The following MYH2 variants were observed in gnomAD, a reference collection of about 807,000 sequenced individuals.
The protein encoded by MYH2 is myosin-2.
A neutral mutation model predicts 228.1 loss-of-function variants in MYH2; 139 were observed. The ratio of observed to expected loss-of-function variants is 0.61; its 90% confidence interval spans 0.53 to 0.70. The LOEUF (loss-of-function observed/expected upper bound fraction) is 0.70. MYH2 is among the 30% of genes least tolerant of loss of function. The pLI, the probability that MYH2 is intolerant of heterozygous loss-of-function variation, is 0.00. For missense variants in MYH2, 1,809 were observed against 2,357.5 expected (o/e 0.77, Z 4.82); for synonymous variants, 796 against 871.1 (o/e 0.91, Z 1.52).
chr17:10,540,060 T>C lies in MYH2; in HGVS notation c.1015A>G (p.Ile339Val). The change falls in exon 12 of 40, where the codon ATT becomes GTT. Residue 339 changes from isoleucine to valine, a missense_variant. This residue lies in a region of MYH2 where 373 missense variants were observed against 620.4 expected (regional missense o/e 0.60). Coordinates refer to ENST00000245503, the MANE Select transcript of MYH2 (RefSeq NM_017534.6). Reference sequence around the variant, plus strand: ...TCATTAGTAAAGCCCAAAATATCAATAGCACTCTGTCAATATAACCAATAG... The same window carrying C: ...TCATTAGTAAAGCCCAAAATATCAACAGCACTCTGTCAATATAACCAATAG... ...QEELMATDSA[I>V]DILGFTNEEK... 6.2e-7 allele frequency: 1 copy of C among 1,613,974 alleles called. No homozygotes were observed. The highest frequency in any genetic ancestry group is 1.3e-5 in the African/African-American group (1 of 74,996).
Position 10,540,085 on chromosome 17 carries a change from G to C in MYH2, c.1009-19C>G. ...TAGCACTCTGTCAATATAACCAATA[G>C]GATAGCTGTTAGGTTGTGATCCACA... On this transcript the variant is annotated intron_variant, in intron 11 of 39. Transcript: ENST00000245503. The C allele has an allele frequency of 6.2e-7, 1 of 1,613,696 alleles. No homozygotes were observed. The highest frequency in any genetic ancestry group is 1.1e-5 in the South Asian group (1 of 91,064).
chr17:10,530,212 A>T, intron 22 of MYH2, 138 bp from the exon 23 acceptor site: 3 of 1,424,952 alleles, frequency 2.1e-6, no homozygotes, highest in Non-Finnish European at 2.9e-6. Flanking sequence ...TTGTTTCATG[A>T]ACCACCCTAC....
At chr17:10,548,817 A>G (rs2073666454) in intron 2 of MYH2, among the ~76,000 whole-genome samples, 1 of 152,156 alleles carries the variant, frequency 6.6e-6, no homozygotes, top group African/African-American at 2.4e-5. Context: ...ATTCTACCGC[A>G]GTCATTACAT....
At chr17:10,547,393 G>T in intron 4 of MYH2, 82 bp downstream of exon 4, 1 of 1,556,856 alleles carries the variant, frequency 6.4e-7, no homozygotes, top group South Asian at 1.1e-5. Context: ...CACTACCTGT[G>T]ACCTATTTAT....
At chr17:10,547,093 A>C (rs1310862011) in intron 4 of MYH2, among the ~76,000 whole-genome samples, 1 of 152,218 alleles carries the variant, frequency 6.6e-6, no homozygotes, top group Non-Finnish European at 1.5e-5. Context: ...TCTGTCTCAA[A>C]AAAAAATTAA....
rs777247403 is a variant in MYH2, at chr17:10,526,940, T to C, written c.3988A>G (p.Lys1330Glu). 2 of 1,613,974 alleles carry C rather than the reference T, an allele frequency of 1.2e-6. No individual in the cohort carries two copies. Among genetic ancestry groups the C allele is most frequent in the Non-Finnish European group, 8.5e-7 (1 of 1,179,816 alleles). The change falls in exon 29 of 40, where the codon AAA becomes GAA. Residue 1330 changes from lysine (K) to glutamate (E), a missense_variant and splice_region_variant. By Grantham distance (56) the Lys-to-Glu change is moderately conservative. This residue lies in a region of MYH2 where 636 missense variants were observed against 729.9 expected (regional missense o/e 0.87). Transcript: ENST00000245503. ...ATCAGTCTTAGAATCATAATTACTT[T>C]TATCTCCTCTTCAAGTTGCCTCTTT... is the stretch of plus-strand genomic sequence containing the variant. ...ELKRQLEEEI[K>E]AKNALAHALQ... is the part of the protein sequence containing the mutation.
In MYH2 at chr17:10,525,661, G is replaced by C. The variant is rs749696223; in HGVS notation, c.4371+32C>G. ...TACCTGCTGCAAAGACAAAAGAGTA[G>C]AGTAAAGAGCAGAAGATGCTGGAGG... On this transcript the variant is annotated intron_variant, in intron 31 of 39. Transcript: ENST00000245503. This position sits in a 1 kb window ranked among gnomAD's most constrained non-coding sequence, Gnocchi z 4.2. The C allele has an allele frequency of 6.2e-6, 10 of 1,614,070 alleles. No individual in the cohort carries two copies. The highest frequency in any genetic ancestry group is 7.6e-6 in the Non-Finnish European group (9 of 1,180,036).
rs754882670 is a variant in MYH2 at position 10,539,992 on chromosome 17, A to G, written c.1083T>C (p.His361=). 67 of 1,613,932 alleles carry G rather than the reference A, an allele frequency of 4.2e-5. 1 individual carries two copies. The Middle Eastern group carries it at 6.6e-4, about 16-fold the overall frequency. The stretch of plus-strand genomic sequence containing the variant: ...TTTGCTTAAATTTTAGGTTCCCATA[A>G]TGCATCACAGCCCCCGTGAGCTTGT... ...SIYKLTGAVM[H]YGNLKFKQKQ... The change falls in exon 12 of 40, where the codon CAT becomes CAC. Residue 361 remains histidine (H), a synonymous_variant. Transcript: ENST00000245503.
rs1387610142 is a variant in MYH2, at chr17:10,547,549, C to T, written c.274G>A (p.Ala92Thr). The T allele has an allele frequency of 1.9e-6, 3 of 1,614,104 alleles. No individual in the cohort carries two copies. Among genetic ancestry groups the T allele is most frequent in the Non-Finnish European group, 1.7e-6 (2 of 1,179,996 alleles). Reference protein sequence around the residue: ...PPKYDKIEDMAMMTHLHEPAV... With the variant: ...PPKYDKIEDMTMMTHLHEPAV... The stretch of plus-strand genomic sequence containing the variant: ...GGCTCATGCAGATGAGTCATCATGG[C>T]CATATCCTCGATCTTGTCATATTTG... Residue 92 changes from alanine (A) to threonine (T), a missense_variant, in exon 4 of 40, where the codon GCC becomes ACC. Physicochemically the swap from Ala to Thr is moderately conservative, Grantham distance 58. Around this residue, in one of 9 missense-constraint regions of MYH2, gnomAD observed 373 missense variants for 620.4 expected, o/e 0.60. Transcript: ENST00000245503.
rs1267390047 is a variant in MYH2 at position 10,533,726 on chromosome 17, A to G, written c.2181-94T>C. The G allele has an allele frequency of 3.4e-6, 5 of 1,472,266 alleles. No individual in the cohort carries two copies. In the Admixed American group the frequency reaches 7.1e-5, roughly 21 times the overall value. The allele number at this position is 1,472,266 out of a possible 1,614,324, so 91.2% of individuals were successfully genotyped here. ...GATTCATTTTTTAAAGCAGAGCTTT[A>G]AAAAAATATTATTCTTTGTTCACAA... On this transcript the variant is annotated intron_variant, in intron 19 of 39. Transcript: ENST00000245503.
chr17:10,526,461 T>G, intron 30 of MYH2, 138 bp downstream of exon 30: 1 of 1,385,546 alleles, frequency 7.2e-7, no homozygotes, highest in South Asian at 1.2e-5. Flanking sequence ...TGTCTTATTC[T>G]CAGGGCCTGA....
chr17:10,527,151 T>G, intron 28 of MYH2, 95 bp from the exon 29 acceptor site: 1 of 1,116,578 alleles, frequency 9.0e-7, no homozygotes, highest in Non-Finnish European at 1.4e-6. Context: ...TTTTCCCAAA[T>G]TGAGTGCTCA....
At position 10,521,293 on chromosome 17, in the gene MYH2, ATGACTTTTGT is replaced by A; in HGVS notation, c.5803_5812del (p.Thr1935Ter). On this transcript the variant is annotated frameshift_variant, in exon 40 of 40. Transcript: ENST00000245503. LOFTEE classifies it high-confidence loss of function. ...ATCAGGACATGATCACTCTTCACTT[ATGACTTTTGT>A]GTGAACCTCCCGGCTCTTCACCCGC... The A allele has an allele frequency of 6.2e-7, 1 of 1,613,880 alleles. No individual in the cohort carries two copies. The highest frequency in any genetic ancestry group is 8.5e-7 in the Non-Finnish European group (1 of 1,180,014).
chr17:10,536,834 G>T (rs895931699), intron 16 of MYH2, among the ~76,000 whole-genome samples: 18 of 152,184 alleles, frequency 1.2e-4, no homozygotes, highest in African/African-American at 4.1e-4. Flanking sequence ...TATAGAGAGG[G>T]ATTCCCTAAT....
At chr17:10,523,959 A>C in intron 35 of MYH2, 75 bp from the exon 36 acceptor site, 1 of 1,491,920 alleles carries the variant, frequency 6.7e-7, no homozygotes, top group Non-Finnish European at 9.1e-7. Context: ...CTTGAAAAAA[A>C]TTCAGATAAA....
chr17:10,534,513 G>A (rs1032662724), intron 19 of MYH2, among the ~76,000 whole-genome samples: 7 of 152,276 alleles, frequency 4.6e-5, no homozygotes, highest in African/African-American at 1.2e-4. Context: ...CAAAAAGGTC[G>A]TTCTTAATTA....
intron 21 of MYH2, 24 bp from the exon 22 acceptor site, chr17:10,531,912 A>T: frequency 6.2e-7 from 1 of 1,613,642 alleles, no homozygotes; most frequent in Non-Finnish European, 8.5e-7. Context: ...GATGCAAATT[A>T]GTATTGTGTG....
chr17:10,537,633 G>A lies in MYH2; in HGVS notation c.1587+32C>T, dbSNP rs187417127. The A allele has an allele frequency of 7.6e-5, 123 of 1,614,052 alleles. No homozygotes were observed. Among genetic ancestry groups the A allele is most frequent in the South Asian group, 4.7e-4 (43 of 91,080 alleles). ...AAAAGCAGCGAATAATATAGTTGCC[G>A]CAAAATATGGTTTCAGAAATGCAAA... On this transcript the variant is annotated intron_variant, in intron 15 of 39. Transcript: ENST00000245503. The surrounding 1 kb of genome is among the most constrained non-coding windows in gnomAD (Gnocchi z 4.0).
rs764757934 is a variant in MYH2 at position 10,540,735 on chromosome 17, T to C, written c.905-38A>G. On this transcript the variant is annotated intron_variant, in intron 10 of 39. Transcript: ENST00000245503. ...AACAGAACAAAGATAAACATAATTA[T>C]CTTCTTCATTAAAACAAGAGATTTC... 1.1e-5 allele frequency: 17 copies of C among 1,501,502 alleles called. No individual in the cohort carries two copies. In the East Asian group the frequency reaches 2.7e-4, roughly 24 times the overall value. The allele number at this position is 1,501,502 out of a possible 1,614,324, so 93.0% of individuals were successfully genotyped here. A position where few individuals can be genotyped will look rare whatever the true frequency, so the allele number is the denominator to read the frequency against.
Sources: allele counts gnomAD v4.1 joint callset (sites outside exome capture counted in the v4.1 genomes callset), GRCh38; gene constraint gnomAD v4.1.1; regional missense constraint gnomAD v4.1.1; non-coding constraint Gnocchi (gnomAD v3.1); transcripts MANE v1.5; gene names NCBI Gene and HGNC (gene_info 2026-07-23, HGNC 2026-07-21).